Variants in PITPNM1 observed in about 807,000 individuals in gnomAD.
PITPNM1 encodes phosphatidylinositol transfer protein membrane associated 1.
A neutral mutation model predicts 133.3 loss-of-function variants in PITPNM1; 74 were observed. The observed-to-expected ratio is 0.56, with a 90% CI of 0.46 to 0.67. The LOEUF (loss-of-function observed/expected upper bound fraction) is 0.67. PITPNM1 is among the 30% of genes least tolerant of loss of function. The probability of loss-of-function intolerance (pLI) is 0.00; values close to 1 mark genes in which losing one functional copy is unlikely to be tolerated. For missense variants in PITPNM1, 1,398 were observed against 1,739.5 expected, an observed-to-expected ratio of 0.80 and a Z score of 3.49; for synonymous variants, 738 against 741.4, an observed-to-expected ratio of 1.00 and a Z score of 0.08.
At chr11:67,505,622 G>A (rs372032947), upstream of PITPNM1, among the ~76,000 whole-genome samples, 15 of 152,340 alleles carry the variant, frequency 9.8e-5, no homozygotes, top group African/African-American at 3.1e-4. This position sits in a 1 kb window ranked among gnomAD's most constrained non-coding sequence, Gnocchi z 5.8. Flanking sequence ...CAGCCCTCCT[G>A]TGTGCAGTCA....
At position 67,502,441 on chromosome 11, in the gene PITPNM1, C is replaced by T; in HGVS notation, c.294-28G>A. On this transcript the variant is annotated intron_variant, in intron 3 of 23. Transcript: ENST00000356404. This position sits in a 1 kb window ranked among gnomAD's most constrained non-coding sequence, Gnocchi z 5.9. Reference sequence around the variant, plus strand: ...GGGCAGAAGGCACGGGTGAGGCTCACTGCTGTACCCACCAGGGCCGCTCCC... The same window carrying T: ...GGGCAGAAGGCACGGGTGAGGCTCATTGCTGTACCCACCAGGGCCGCTCCC... 4 of 1,613,740 alleles carry T rather than the reference C, an allele frequency of 2.5e-6. No individual in the cohort carries two copies. Among genetic ancestry groups the T allele is most frequent in the Non-Finnish European group, 3.4e-6 (4 of 1,179,940 alleles).
chr11:67,498,384 C>T lies in PITPNM1; in HGVS notation c.1485-62G>A. On this transcript the variant is annotated intron_variant, in intron 10 of 23. Coordinates refer to ENST00000356404, the MANE Select transcript of PITPNM1 (RefSeq NM_004910.3). This position sits in a 1 kb window ranked among gnomAD's most constrained non-coding sequence, Gnocchi z 5.7. ...CCAGACCCACTCCTGCCATCCAAGT[C>T]CCCTGGGCCTGCTGGCAGGCCCTGG... The T allele has an allele frequency of 2.8e-6, 4 of 1,452,074 alleles. No individual in the cohort carries two copies. Among genetic ancestry groups the T allele is most frequent in the Middle Eastern group, 1.9e-4 (1 of 5,278 alleles). The allele number at this position is 1,452,074 out of a possible 1,614,324, so 89.9% of individuals were successfully genotyped here. A position where few individuals can be genotyped will look rare whatever the true frequency, so the allele number is the denominator to read the frequency against.
intron 19 of PITPNM1, 21 bp from the exon 20 acceptor site, chr11:67,494,091 G>A: frequency 6.2e-7 from 1 of 1,600,018 alleles, no homozygotes; most frequent in East Asian, 2.2e-5. Flanking sequence ...GAAGGGGCGG[G>A]AGGTAAATGG....
rs1177333716 is a variant in PITPNM1 at position 67,496,959 on chromosome 11, G to A, written c.2146+272C>T. 10 of 350,480 alleles carry A rather than the reference G, an allele frequency of 2.9e-5. No individual in the cohort carries two copies. In the East Asian group the frequency reaches 4.6e-4, roughly 16 times the overall value. 21.7% of individuals were successfully genotyped at this position (350,480 alleles called of 1,614,324 possible). On this transcript the variant is annotated intron_variant, in intron 14 of 23. Coordinates refer to ENST00000356404, the MANE Select transcript of PITPNM1 (RefSeq NM_004910.3). ...AAAAAAAAAAAAAGGCTGAGAAGAGGGCAGCGGCTTCGATTTGCTGCTGTG... is the reference window on the plus strand; with the variant it reads ...AAAAAAAAAAAAAGGCTGAGAAGAGAGCAGCGGCTTCGATTTGCTGCTGTG...
At position 67,493,791 on chromosome 11, in the gene PITPNM1, C is replaced by T. The variant is rs1465884161; in HGVS notation, c.3055G>A (p.Gly1019Ser). The change falls in exon 21 of 24, where the codon GGC (glycine) becomes AGC (serine). Residue 1019 changes from glycine to serine, a missense_variant. Coordinates refer to ENST00000356404, the MANE Select transcript of PITPNM1 (RefSeq NM_004910.3). ...ATGCTGAAGACCACAGCCTCCGTGC[C>T]GCGGGCCACCACAGTCAGGCAGCAT... ...AECCLTVVARGTEAVVFSIDG... is the reference protein window; with the variant it reads ...AECCLTVVARSTEAVVFSIDG... The T allele has an allele frequency of 5.2e-6, 8 of 1,549,880 alleles. No individual in the cohort carries two copies. In the Admixed American group the frequency reaches 5.9e-5, roughly 11 times the overall value.
rs146886366 is a variant in PITPNM1 at position 67,497,615 on chromosome 11, C to A, written c.1847G>T (p.Gly616Val). The A allele has an allele frequency of 9.3e-6, 15 of 1,607,120 alleles. No homozygotes were observed. The highest frequency in any genetic ancestry group is 2.2e-5 in the East Asian group (1 of 44,870). The change falls in exon 13 of 24, where the codon GGC becomes GTC. Residue 616 changes from glycine (G) to valine (V), a missense_variant. Coordinates refer to ENST00000356404, the MANE Select transcript of PITPNM1 (RefSeq NM_004910.3). ...VRDPLADGVE[G>V]LGRGSPEPSA... ...GGGTTCTGGGCTGCCCCGACCCAGG[C>A]CTTCCACACCATCTGCCAGGGGGTC...
chr11:67,493,787 G>A lies in PITPNM1; in HGVS notation c.3059C>T (p.Thr1020Met), dbSNP rs1242141179. ...GTCGATGCTGAAGACCACAGCCTCCGTGCCGCGGGCCACCACAGTCAGGCA... is the reference window on the plus strand; with the variant it reads ...GTCGATGCTGAAGACCACAGCCTCCATGCCGCGGGCCACCACAGTCAGGCA... ...ECCLTVVARGTEAVVFSIDGS... is the reference protein window; with the variant it reads ...ECCLTVVARGMEAVVFSIDGS... Residue 1020 changes from threonine to methionine, a missense_variant, in exon 21 of 24, where the codon ACG becomes ATG. Thr to Met is a moderately conservative substitution (Grantham distance 81, BLOSUM62 -1). Around this residue, in one of 5 missense-constraint regions of PITPNM1, gnomAD observed 233 missense variants for 378.0 expected, o/e 0.62. Coordinates refer to ENST00000356404, the MANE Select transcript of PITPNM1 (RefSeq NM_004910.3). The A allele has an allele frequency of 6.5e-7, 1 of 1,549,924 alleles. No individual in the cohort carries two copies. The highest frequency in any genetic ancestry group is 8.7e-7 in the Non-Finnish European group (1 of 1,147,788).
In PITPNM1 at chr11:67,492,826, C is replaced by T. The variant is rs990187241; in HGVS notation, c.3471+108G>A. On this transcript the variant is annotated intron_variant, in intron 23 of 23. Transcript: ENST00000356404. ...GGAGGATCCCAGGTTCCCTGGAGGC[C>T]GGTTAGGCCTTCTCACATCTTCCCC... 34 of 1,369,100 alleles carry T rather than the reference C, an allele frequency of 2.5e-5. No individual in the cohort carries two copies. In the Admixed American group the frequency reaches 6.9e-4, roughly 28 times the overall value. The allele number at this position is 1,369,100 out of a possible 1,614,324, so 84.8% of individuals were successfully genotyped here.
In PITPNM1 at chr11:67,492,963, C is replaced by T; in HGVS notation, c.3442G>A (p.Ala1148Thr). The T allele has an allele frequency of 6.2e-7, 1 of 1,612,974 alleles. No homozygotes were observed. Residue 1148 changes from alanine to threonine, a missense_variant, in exon 23 of 24, where the codon GCC becomes ACC. Transcript: ENST00000356404. ...CACTGCGCCTGTAGCTTCCGCACGG[C>T]ACGGCCCACGATGTAGGTCTGGCTC... ...SPSQTYIVGR[A>T]VRKLQAQCQF...
chr11:67,497,573 T>C lies in PITPNM1; in HGVS notation c.1889A>G (p.Gln630Arg). ...ACTGGCCATGTCGCTGGGGATGCGC[T>C]GGGGAGGCAAGGCCGAGGGTTCTGG... ...GSPEPSALPP[Q>R]RIPSDMASPE... is the part of the protein sequence containing the mutation. Residue 630 changes from glutamine (Q) to arginine (R), a missense_variant, in exon 13 of 24, where the codon CAG becomes CGG. Gln to Arg is a conservative substitution (Grantham distance 43, BLOSUM62 1). Transcript: ENST00000356404. The C allele has an allele frequency of 6.2e-7, 1 of 1,608,508 alleles. No individual in the cohort carries two copies. The highest frequency in any genetic ancestry group is 8.5e-7 in the Non-Finnish European group (1 of 1,178,612).
chr11:67,492,117 C>T lies in PITPNM1; in HGVS notation c.3651G>A (p.Glu1217=). The T allele has an allele frequency of 1.9e-6, 3 of 1,612,156 alleles. No individual in the cohort carries two copies. Among genetic ancestry groups the T allele is most frequent in the East Asian group, 4.5e-5 (2 of 44,888 alleles). ...LLRSRGPSQA[E]REGPGTPPTT... is the part of the protein sequence containing the mutation. ...TGGGTGGTGTTCCCGGGCCCTCACG[C>T]TCCGCCTGGCTGGGGCCCCTCGAGC... The change falls in exon 24 of 24, where the codon GAG becomes GAA. Residue 1217 remains glutamate (E), a synonymous_variant. Transcript: ENST00000356404.
intron 22 of PITPNM1, 120 bp from the exon 23 acceptor site, chr11:67,493,182 G>A: frequency 7.7e-7 from 1 of 1,295,444 alleles, no homozygotes; most frequent in Non-Finnish European, 1.1e-6. Context: ...GGCGAAGACA[G>A]GTCCCAGTCC....
At chr11:67,494,560 G>A (rs927288967) in intron 18 of PITPNM1, among the ~76,000 whole-genome samples, 200 bp from the exon 19 acceptor site, 20 of 152,276 alleles carry the variant, frequency 1.3e-4, no homozygotes, top group African/African-American at 4.8e-4. Flanking sequence ...GCCTCCAGGG[G>A]CAGAGCTGTG....
rs1178220655 is a variant in PITPNM1, at chr11:67,504,635, AC to A, written c.-41-415del. On this transcript the variant is annotated intron_variant, in intron 1 of 23. Transcript: ENST00000356404. This position sits in a 1 kb window ranked among gnomAD's most constrained non-coding sequence, Gnocchi z 5.4. ...GCCTTCCGCGACCGGCCCCTCGGGG[AC>A]CCGCCCCTTGCATCCCCTTCCCGGA... is the stretch of plus-strand genomic sequence containing the variant. 6.6e-6 allele frequency: 1 copy of A among 151,512 alleles called. No individual in the cohort carries two copies. The highest frequency in any genetic ancestry group is 1.5e-5 in the Non-Finnish European group (1 of 67,836). The allele number at this position is 151,512 out of a possible 1,614,324, so 9.4% of individuals were successfully genotyped here.
At chr11:67,503,089 G>A (rs978298114) in intron 2 of PITPNM1, among the ~76,000 whole-genome samples, 1 of 152,232 alleles carries the variant, frequency 6.6e-6, no homozygotes, top group African/African-American at 2.4e-5. Flanking sequence ...ATTATGTGGT[G>A]TGTTAGAAGG....
rs59249357 is a variant in PITPNM1, at chr11:67,500,165, G to C, written c.897C>G (p.Ala299=). ...DGPEAPPGPD[A]SPDASFGKQW... is the part of the protein sequence containing the mutation. ...GCTTCCCAAAGCTGGCATCGGGGGA[G>C]GCATCTGGGCCTGGGGGGGCCTCAG... The change falls in exon 6 of 24, where the codon GCC becomes GCG. Residue 299 remains alanine (A), a synonymous_variant. Coordinates refer to ENST00000356404, the MANE Select transcript of PITPNM1 (RefSeq NM_004910.3). The C allele has an allele frequency of 0.025, 40,662 of 1,595,336 alleles. 609 individuals are homozygous for C. The highest frequency in any genetic ancestry group is 0.033 in the Middle Eastern group (198 of 6,006).
rs1242376894 is a variant in PITPNM1, at chr11:67,492,279, A to G, written c.3489T>C (p.Tyr1163=). The change falls in exon 24 of 24, where the codon TAT becomes TAC. Residue 1163 remains tyrosine (Y), a synonymous_variant. Coordinates refer to ENST00000356404, the MANE Select transcript of PITPNM1 (RefSeq NM_004910.3). ...CTTCCAGCTGGCCCAGGTGGGCCAC[A>G]TAGCCGTCTGACAGGAACTGTGGGC... ...QAQCQFLSDG[Y]VAHLGQLEAG... 3.2e-6 allele frequency: 5 copies of G among 1,579,430 alleles called. No homozygotes were observed. Among genetic ancestry groups the G allele is most frequent in the South Asian group, 1.1e-5 (1 of 87,156 alleles).
At chr11:67,503,900 G>C in intron 2 of PITPNM1, 1 of 511,476 alleles carries the variant, frequency 2.0e-6, no homozygotes, top group Non-Finnish European at 3.5e-6. Flanking sequence ...CAGGAGATCA[G>C]AGGAGGGCTG....
At chr11:67,493,635 G>A in intron 21 of PITPNM1, 42 bp from the exon 22 acceptor site, 1 of 1,545,806 alleles carries the variant, frequency 6.5e-7, no homozygotes, top group Non-Finnish European at 8.7e-7. Context: ...GGCCAGGGGT[G>A]AGGGGCCGGT....
Sources: gnomAD v4.1 joint callset for allele counts (sites outside exome capture counted in the v4.1 genomes callset) on GRCh38, gnomAD v4.1.1 for gene constraint, gnomAD v4.1.1 regional missense constraint, Gnocchi (gnomAD v3.1) non-coding constraint, MANE v1.5 for transcripts, NCBI Gene and HGNC (gene_info 2026-07-23, HGNC 2026-07-21) for gene names.